Variants in SPIDR observed in about 807,000 individuals in gnomAD.
The protein encoded by SPIDR is scaffold protein involved in DNA repair, also known as DNA repair-scaffolding protein.
In SPIDR, 93 loss-of-function variants were observed where a neutral mutation model predicts 104.6. The ratio of observed to expected loss-of-function variants is 0.89; its 90% confidence interval spans 0.75 to 1.06. The LOEUF (loss-of-function observed/expected upper bound fraction) is 1.06. Among genes scored for constraint, SPIDR ranks in the 50% least tolerant of loss-of-function variants. The pLI, the probability that SPIDR is intolerant of heterozygous loss-of-function variation, is 0.00. For synonymous variants in SPIDR, 431 were observed against 416.9 expected, an observed-to-expected ratio of 1.03 and a Z score of -0.41; for missense variants, 1,154 against 1,111.2, an observed-to-expected ratio of 1.04 and a Z score of -0.55.
intron 7 of SPIDR, among the ~76,000 whole-genome samples, chr8:47,430,154 C>A (rs1002201692): frequency 6.6e-6 from 1 of 152,218 alleles, no homozygotes; most frequent in Non-Finnish European, 1.5e-5. Context: ...AGGAGAGGCA[C>A]TTCACGGTAA....
chr8:47,646,505 G>A (rs2070386771), intron 10 of SPIDR, among the ~76,000 whole-genome samples: 1 of 152,192 alleles, frequency 6.6e-6, no homozygotes, highest in African/African-American at 2.4e-5. Context: ...AAGTGGAAAT[G>A]GCCTGAAGGT....
intron 5 of SPIDR, among the ~76,000 whole-genome samples, chr8:47,386,386 A>G (rs1368210866): frequency 6.6e-6 from 1 of 152,232 alleles, no homozygotes; most frequent in Non-Finnish European, 1.5e-5. Flanking sequence ...TGACGTAAGT[A>G]TTCATATACT....
intron 8 of SPIDR, among the ~76,000 whole-genome samples, chr8:47,445,195 C>T (rs1293183204): frequency 6.6e-6 from 1 of 152,182 alleles, no homozygotes; most frequent in East Asian, 1.9e-4. Flanking sequence ...CTGAATCCAA[C>T]AAGTCTACCA....
chr8:47,375,240 T>C (rs1301913986), intron 5 of SPIDR, among the ~76,000 whole-genome samples: 4 of 120,954 alleles, frequency 3.3e-5, no homozygotes, highest in African/African-American at 1.2e-4. Context: ...AGGCTTTTTT[T>C]TTTTTTTTTT....
chr8:47,365,663 T>A (rs539435251), intron 5 of SPIDR, among the ~76,000 whole-genome samples: 1 of 152,202 alleles, frequency 6.6e-6, no homozygotes, highest in African/African-American at 2.4e-5. Context: ...ACTCCTGTTT[T>A]AAGAGTTTTA....
intron 10 of SPIDR, among the ~76,000 whole-genome samples, chr8:47,612,980 A>G (rs2063795431): frequency 6.6e-6 from 1 of 152,202 alleles, no homozygotes; most frequent in Non-Finnish European, 1.5e-5. Flanking sequence ...GTATGCATTA[A>G]CTTATATTTA....
At position 47,736,265 on chromosome 8, in the gene SPIDR, C is replaced by T. The variant is rs1326824207; in HGVS notation, c.*815C>T. On this transcript the variant is annotated 3_prime_UTR_variant, in exon 20 of 20. Coordinates refer to ENST00000297423, the MANE Select transcript of SPIDR (RefSeq NM_001080394.4). Reference sequence around the variant, plus strand: ...CATCAGATACACGTAGCAGCCGTGACCAAGACATGGTGCCCTAATACCAAG... The same window carrying T: ...CATCAGATACACGTAGCAGCCGTGATCAAGACATGGTGCCCTAATACCAAG... 6.6e-6 allele frequency: 1 copy of T among 152,256 alleles called. No individual in the cohort carries two copies. The highest frequency in any genetic ancestry group is 2.4e-5 in the African/African-American group (1 of 41,454). 9.4% of individuals were successfully genotyped at this position (152,256 alleles called of 1,614,324 possible).
At chr8:47,511,373 G>A in intron 8 of SPIDR, 1 of 975,346 alleles carries the variant, frequency 1.0e-6, no homozygotes, top group East Asian at 2.4e-5. Context: ...CTCGGTGTCT[G>A]ACCCTCGCCA....
chr8:47,325,162 A>G (rs940385373), intron 5 of SPIDR, among the ~76,000 whole-genome samples: 1 of 152,228 alleles, frequency 6.6e-6, no homozygotes, highest in South Asian at 2.1e-4. Context: ...GAGAAGTTCA[A>G]AAATGAAGAT....
chr8:47,461,510 C>A (rs1263239193), intron 8 of SPIDR, among the ~76,000 whole-genome samples: 1 of 152,166 alleles, frequency 6.6e-6, no homozygotes, highest in African/African-American at 2.4e-5. Context: ...TGGGTTTTCA[C>A]CATGTTGACC....
intron 19 of SPIDR, among the ~76,000 whole-genome samples, 190 bp from the exon 20 acceptor site, chr8:47,735,117 T>TGC (rs139269383): frequency 2.9e-5 from 4 of 138,944 alleles, no homozygotes; most frequent in African/African-American, 1.2e-4. Flanking sequence ...TGTGGGTGTG[T>TGC]GTGTGTGTGT....
Position 47,543,517 on chromosome 8 carries a change from A to C in SPIDR, c.1098-52294A>C, listed in dbSNP as rs569943508. On this transcript the variant is annotated intron_variant, in intron 8 of 19. Coordinates refer to ENST00000297423, the MANE Select transcript of SPIDR (RefSeq NM_001080394.4). ...GAAATGCAGCCTTTGGCAAAAGCTG[A>C]GAACAAGCAATTTAAGAGAGGAAAG... Among the ~76,000 whole-genome samples the C allele has an allele frequency of 8.5e-5, 13 of 152,342 alleles. No individual in the cohort carries two copies. In the South Asian group the frequency reaches 1.7e-3, roughly 19 times the overall value.
chr8:47,393,775 T>C (rs1554654312), intron 5 of SPIDR, among the ~76,000 whole-genome samples: 1 of 150,334 alleles, frequency 6.7e-6, no homozygotes, highest in Non-Finnish European at 1.5e-5. Context: ...GTCTTTCTTT[T>C]CTTTTCCTTC....
At chr8:47,683,745 C>G (rs988056463) in intron 11 of SPIDR, among the ~76,000 whole-genome samples, 2 of 152,110 alleles carry the variant, frequency 1.3e-5, no homozygotes, top group African/African-American at 4.8e-5. Flanking sequence ...CAACTTTGGT[C>G]AGACCATCTT....
At chr8:47,509,029 C>T (rs1041309418) in intron 8 of SPIDR, among the ~76,000 whole-genome samples, 1 of 152,076 alleles carries the variant, frequency 6.6e-6, no homozygotes, top group Admixed American at 6.5e-5. Flanking sequence ...GAGAGAAGAG[C>T]GGCTATTGAG....
intron 19 of SPIDR, among the ~76,000 whole-genome samples, chr8:47,733,983 C>T (rs1053445103): frequency 2.1e-4 from 32 of 152,140 alleles, no homozygotes; most frequent in Non-Finnish European, 2.4e-4. Flanking sequence ...AAATCAAAGT[C>T]CCCCCACGAG....
chr8:47,704,736 G>T (rs2080828709), intron 14 of SPIDR, among the ~76,000 whole-genome samples: 1 of 152,142 alleles, frequency 6.6e-6, no homozygotes. Context: ...GCTGATCAGT[G>T]CCTCTCATGA....
intron 7 of SPIDR, among the ~76,000 whole-genome samples, chr8:47,421,772 G>T (rs1006621537): frequency 6.6e-6 from 1 of 152,268 alleles, no homozygotes; most frequent in Admixed American, 6.5e-5. Flanking sequence ...CGATGGTGAC[G>T]TACAGATGGG....
At chr8:47,302,623 G>T (rs978275227) in intron 5 of SPIDR, among the ~76,000 whole-genome samples, 1 of 152,162 alleles carries the variant, frequency 6.6e-6, no homozygotes, top group African/African-American at 2.4e-5. Context: ...ATGGGGTTTT[G>T]GTGTGCATGT....
Sources: gnomAD v4.1 joint callset for allele counts (sites outside exome capture counted in the v4.1 genomes callset) on GRCh38, gnomAD v4.1.1 for gene constraint, MANE v1.5 for transcripts, NCBI Gene and HGNC (gene_info 2026-07-23, HGNC 2026-07-21) for gene names.